The following TEAD4 variants were observed in gnomAD, a reference collection of about 807,000 sequenced individuals.
The protein encoded by TEAD4 is transcriptional enhancer factor TEF-3.
Under a neutral mutation model 52.4 loss-of-function variants are expected in TEAD4, and 36 were observed. The observed-to-expected ratio is 0.69, with a 90% CI of 0.53 to 0.91. TEAD4 has a LOEUF of 0.91. Among genes scored for constraint, TEAD4 ranks in the 40% least tolerant of loss-of-function variants. The pLI, the probability that TEAD4 is intolerant of heterozygous loss-of-function variation, is 0.00. For missense variants in TEAD4, 508 were observed against 583.9 expected, an observed-to-expected ratio of 0.87 and a Z score of 1.34; for synonymous variants, 220 against 231.0, an observed-to-expected ratio of 0.95 and a Z score of 0.43.
intron 10 of TEAD4, among the ~76,000 whole-genome samples, chr12:3,031,891 G>T (rs2098275809): frequency 6.6e-6 from 1 of 152,150 alleles, no homozygotes; most frequent in Admixed American, 6.5e-5. Context: ...TCCTCCTTGC[G>T]AAGTCACTGG....
intron 2 of TEAD4, among the ~76,000 whole-genome samples, chr12:2,991,495 C>T (rs1458640595): frequency 1.3e-5 from 2 of 152,080 alleles, no homozygotes; most frequent in African/African-American, 4.8e-5. Context: ...AACCCCGTCT[C>T]TACTAAAAAT....
chr12:2,982,156 C>A (rs2153953894), intron 2 of TEAD4, among the ~76,000 whole-genome samples: 1 of 152,320 alleles, frequency 6.6e-6, no homozygotes, highest in Middle Eastern at 3.4e-3. Flanking sequence ...TGGAACTTAG[C>A]ATCCTGATTC....
At chr12:3,036,068 G>A (rs2098279250) in intron 10 of TEAD4, among the ~76,000 whole-genome samples, 1 of 152,150 alleles carries the variant, frequency 6.6e-6, no homozygotes, top group African/African-American at 2.4e-5. Flanking sequence ...GCTCAGGGGT[G>A]GTAGTGGAGG....
chr12:2,986,743 A>G (rs2098238890), intron 2 of TEAD4, among the ~76,000 whole-genome samples: 1 of 152,210 alleles, frequency 6.6e-6, no homozygotes, highest in Non-Finnish European at 1.5e-5. Context: ...GTTTATTGTC[A>G]AGGATTGTGT....
intron 3 of TEAD4, among the ~76,000 whole-genome samples, chr12:2,998,277 A>G (rs1279533173): frequency 6.6e-6 from 1 of 152,010 alleles, no homozygotes; most frequent in Non-Finnish European, 1.5e-5. Context: ...AGTTTTATTT[A>G]GTTGTTATAG....
chr12:3,007,106 C>T (rs59541400), intron 3 of TEAD4, among the ~76,000 whole-genome samples: 7,063 of 152,288 alleles, frequency 0.046, 528 homozygotes, highest in African/African-American at 0.16. Flanking sequence ...ACTAGCCTCT[C>T]GCCGGGGGCT....
At chr12:3,017,947 AC>A (rs939606898) in intron 6 of TEAD4, among the ~76,000 whole-genome samples, 1 of 151,704 alleles carries the variant, frequency 6.6e-6, no homozygotes, top group Non-Finnish European at 1.5e-5. Flanking sequence ...CCAAAAACAA[AC>A]CCCTGGTCAG....
rs1442406021 is a variant in TEAD4, at chr12:3,012,178, C to T, written c.300C>T (p.Ser100=). Reference sequence around the variant, plus strand: ...CTCTCTCCCTGCCACAGGTCTCCAGCCACATCCAGGTGCTGGCTCGTCGCA... The same window carrying T: ...CTCTCTCCCTGCCACAGGTCTCCAGTCACATCCAGGTGCTGGCTCGTCGCA... Residue 100 remains serine (S), a synonymous_variant, in exon 5 of 13, where the codon AGC becomes AGT. Transcript: ENST00000359864. 6.2e-7 allele frequency: 1 copy of T among 1,614,072 alleles called. No homozygotes were observed.
At chr12:3,033,848 G>GTATCT in intron 10 of TEAD4, among the ~76,000 whole-genome samples, 1 of 151,926 alleles carries the variant, frequency 6.6e-6, no homozygotes, top group African/African-American at 2.4e-5. Context: ...CAGTGTGGGG[G>GTATCT]GATATGAGGG....
chr12:2,996,558 G>A (rs1408865226), intron 3 of TEAD4, among the ~76,000 whole-genome samples: 3 of 151,884 alleles, frequency 2.0e-5, no homozygotes, highest in Non-Finnish European at 4.4e-5. Context: ...TTACAGGCAC[G>A]TGCCACCACT....
intron 2 of TEAD4, among the ~76,000 whole-genome samples, chr12:2,987,539 ATTCTCCTGCCT>A (rs1265807220): frequency 6.6e-6 from 1 of 151,812 alleles, no homozygotes; most frequent in Non-Finnish European, 1.5e-5. Flanking sequence ...GGTTCACGCC[ATTCTCCTGCCT>A]CAGCCTCCCG....
Position 2,996,418 on chromosome 12 carries a change from T to TC in TEAD4, c.226+1426_226+1427insC, listed in dbSNP as rs796953076. On this transcript the variant is annotated intron_variant, in intron 3 of 12. Coordinates refer to ENST00000359864, the MANE Select transcript of TEAD4 (RefSeq NM_003213.4). ...TTTTCTTTTCTCTCTCTCTCTTTTT[T>TC]TTTTTTTGAGATGGAGTTTCACTCT... is the stretch of plus-strand genomic sequence containing the variant. Among the ~76,000 whole-genome samples the TC allele has an allele frequency of 1.5e-3, 225 of 152,014 alleles. 2 individuals carry two copies. Among genetic ancestry groups the TC allele is most frequent in the African/African-American group, 5.1e-3 (213 of 41,520 alleles).
chr12:3,029,179 G>A (rs73044601), intron 10 of TEAD4, among the ~76,000 whole-genome samples: 14,870 of 149,930 alleles, frequency 0.099, 816 homozygotes, highest in Non-Finnish European at 0.11. Flanking sequence ...TGATCCTCCC[G>A]CCTCAACTTC....
intron 10 of TEAD4, among the ~76,000 whole-genome samples, chr12:3,028,556 T>C (rs983422305): frequency 1.7e-4 from 26 of 152,252 alleles, no homozygotes; most frequent in Admixed American, 8.5e-4. Flanking sequence ...TGACTGATGA[T>C]GGTAAGCATC....
chr12:3,032,845 G>A (rs1279812567), intron 10 of TEAD4, among the ~76,000 whole-genome samples: 1 of 152,214 alleles, frequency 6.6e-6, no homozygotes, highest in Non-Finnish European at 1.5e-5. Context: ...CATATGTGAC[G>A]GGGAAAGGTA....
chr12:3,025,689 A>C (rs1054496521), intron 10 of TEAD4, among the ~76,000 whole-genome samples: 1 of 151,880 alleles, frequency 6.6e-6, no homozygotes, highest in African/African-American at 2.4e-5. Flanking sequence ...GTCGTGTGCC[A>C]CCAGGCCTGG....
intron 2 of TEAD4, among the ~76,000 whole-genome samples, chr12:2,966,523 G>A (rs1402781217): frequency 6.6e-6 from 1 of 150,954 alleles, no homozygotes; most frequent in Non-Finnish European, 1.5e-5. Context: ...CAATTCTCAT[G>A]CCTCAGCCTC....
rs577657787 is a variant in TEAD4 at position 3,038,141 on chromosome 12, G to T, written c.1038+33G>T. 2.1e-5 allele frequency: 33 copies of T among 1,600,212 alleles called. No homozygotes were observed. In the South Asian group the frequency reaches 3.7e-4, roughly 18 times the overall value. On this transcript the variant is annotated intron_variant, in intron 11 of 12. Coordinates refer to ENST00000359864, the MANE Select transcript of TEAD4 (RefSeq NM_003213.4). ...GCCACCCTGGCGGGTGAGGGCCGGT[G>T]GCAGTGGTCTGTGTTTGCTGGGCAT...
intron 2 of TEAD4, among the ~76,000 whole-genome samples, chr12:2,986,912 A>G (rs1377446953): frequency 6.6e-6 from 1 of 152,146 alleles, no homozygotes; most frequent in Non-Finnish European, 1.5e-5. Context: ...CTCCATTATC[A>G]TCTTATGGGA....
Sources: gnomAD v4.1 joint callset for allele counts (sites outside exome capture counted in the v4.1 genomes callset) on GRCh38, gnomAD v4.1.1 for gene constraint, MANE v1.5 for transcripts, NCBI Gene and HGNC (gene_info 2026-07-23, HGNC 2026-07-21) for gene names.